The following PCDHGB3 variants were observed in gnomAD, a reference collection of about 807,000 sequenced individuals.
PCDHGB3 encodes protocadherin gamma-B3.
Under a neutral mutation model 59.2 loss-of-function variants are expected in PCDHGB3, and 40 were observed. The ratio of observed to expected loss-of-function variants is 0.68; its 90% confidence interval spans 0.52 to 0.88. The LOEUF (loss-of-function observed/expected upper bound fraction) is 0.88. PCDHGB3 is among the 40% of genes least tolerant of loss of function. The pLI, the probability that PCDHGB3 is intolerant of heterozygous loss-of-function variation, is 0.00. For missense variants in PCDHGB3, 1,309 were observed against 1,187.9 expected (o/e 1.10, Z -1.50); for synonymous variants, 581 against 503.6 (o/e 1.15, Z -2.06).
intron 1 of PCDHGB3, chr5:141,387,576 G>C (rs534073702): frequency 2.1e-6 from 1 of 487,618 alleles, no homozygotes; most frequent in Non-Finnish European, 3.6e-6. Context: ...TATAATTATT[G>C]CACTGGTTAA....
intron 1 of PCDHGB3, chr5:141,408,940 A>G: frequency 1.2e-6 from 2 of 1,613,658 alleles, no homozygotes; most frequent in Non-Finnish European, 1.7e-6. Context: ...GCAGAGACGA[A>G]TATAGAATTA....
intron 1 of PCDHGB3, chr5:141,405,493 C>T: frequency 1.2e-6 from 1 of 841,642 alleles, no homozygotes; most frequent in Middle Eastern, 3.1e-4. Flanking sequence ...GATCTCGGCT[C>T]ATTGCAACCT....
At chr5:141,414,677 AG>A in intron 1 of PCDHGB3, 1 of 1,613,794 alleles carries the variant, frequency 6.2e-7, no homozygotes, top group Non-Finnish European at 8.5e-7. Context: ...GACACCATCC[AG>A]GGGGTACCTC....
chr5:141,508,741 C>G (rs2099871426), intron 3 of PCDHGB3, among the ~76,000 whole-genome samples: 1 of 152,042 alleles, frequency 6.6e-6, no homozygotes, highest in Non-Finnish European at 1.5e-5. Context: ...ACCCCCCACC[C>G]CGCTCTTTCT....
rs2099612668 is a variant in PCDHGB3, at chr5:141,485,382, TGA to T, written c.2416-9424_2416-9423del. The T allele has an allele frequency of 6.2e-7, 1 of 1,613,538 alleles. No homozygotes were observed. The highest frequency in any genetic ancestry group is 8.5e-7 in the Non-Finnish European group (1 of 1,179,906). On this transcript the variant is annotated intron_variant, in intron 1 of 3. Coordinates refer to ENST00000576222, the MANE Select transcript of PCDHGB3 (RefSeq NM_018924.5). The surrounding 1 kb of genome is among the most constrained non-coding windows in gnomAD (Gnocchi z 5.7). ...CGCAGGCTGCAGGTCGCTGGAGAGG[TGA>T]ACCAAAGACACTTCCGTGTGGATTT...
intron 1 of PCDHGB3, chr5:141,478,831 G>C: frequency 7.0e-7 from 1 of 1,435,672 alleles, no homozygotes; most frequent in Non-Finnish European, 9.1e-7. Flanking sequence ...ATCTTGCTAA[G>C]GGATGGTTAA....
chr5:141,431,709 T>A lies in PCDHGB3; in HGVS notation c.2415+58900T>A. 6.2e-7 allele frequency: 1 copy of A among 1,614,168 alleles called. No individual in the cohort carries two copies. Among genetic ancestry groups the A allele is most frequent in the Non-Finnish European group, 8.5e-7 (1 of 1,180,018 alleles). ...CACGAGGAGTCAGGATTCTACCAGA[T>A]GGAAGTGCAAGCAATGGATAATGCA... On this transcript the variant is annotated intron_variant, in intron 1 of 3. Coordinates refer to ENST00000576222, the MANE Select transcript of PCDHGB3 (RefSeq NM_018924.5). This position sits in a 1 kb window ranked among gnomAD's most constrained non-coding sequence, Gnocchi z 4.8.
rs2149999954 is a variant in PCDHGB3, at chr5:141,372,139, C to A, written c.1745C>A (p.Ala582Glu). ...SALFDMVPRS[A>E]EPGYLVTKVV... ...CTCTTCGATATGGTGCCGCGCTCTG[C>A]AGAGCCTGGCTACCTGGTGACCAAG... The change falls in exon 1 of 4, where the codon GCA (alanine) becomes GAA (glutamate). Residue 582 changes from alanine (A) to glutamate (E), a missense_variant. Transcript: ENST00000576222. 6.2e-7 allele frequency: 1 copy of A among 1,613,756 alleles called. No homozygotes were observed. The highest frequency in any genetic ancestry group is 1.3e-5 in the African/African-American group (1 of 75,062).
In PCDHGB3 at chr5:141,489,522, C is replaced by T. The variant is rs371948070; in HGVS notation, c.2416-5285C>T. 2.5e-6 allele frequency: 4 copies of T among 1,614,088 alleles called. No individual in the cohort carries two copies. Among genetic ancestry groups the T allele is most frequent in the Non-Finnish European group, 3.4e-6 (4 of 1,180,036 alleles). On this transcript the variant is annotated intron_variant, in intron 1 of 3. Coordinates refer to ENST00000576222, the MANE Select transcript of PCDHGB3 (RefSeq NM_018924.5). The surrounding 1 kb of genome is among the most constrained non-coding windows in gnomAD (Gnocchi z 4.5). ...TGAATCAAAAGATTGACCGAGAAAG[C>T]CTATGTGGAGCCAGCACCAGCTGCC...
chr5:141,485,067 C>G lies in PCDHGB3; in HGVS notation c.2416-9740C>G, dbSNP rs944494894. On this transcript the variant is annotated intron_variant, in intron 1 of 3. Transcript: ENST00000576222. This position sits in a 1 kb window ranked among gnomAD's most constrained non-coding sequence, Gnocchi z 5.7. Reference sequence around the variant, plus strand: ...CGGCGCCGGCCGAACCGCGCCAGAGCTGGCGCGGGGAAAGGGAGATAGGTG... The same window carrying G: ...CGGCGCCGGCCGAACCGCGCCAGAGGTGGCGCGGGGAAAGGGAGATAGGTG... 21 of 894,418 alleles carry G rather than the reference C, an allele frequency of 2.3e-5. No individual in the cohort carries two copies. The highest frequency in any genetic ancestry group is 1.8e-4 in the Admixed American group (8 of 43,320). 55.4% of individuals were successfully genotyped at this position (894,418 alleles called of 1,614,324 possible). A position where few individuals can be genotyped will look rare whatever the true frequency, so the allele number is the denominator to read the frequency against.
intron 1 of PCDHGB3, chr5:141,421,331 C>T: frequency 1.2e-6 from 2 of 1,613,856 alleles, no homozygotes; most frequent in East Asian, 2.2e-5. Flanking sequence ...ATCCGATATT[C>T]GGTGCCAGAA....
intron 1 of PCDHGB3, among the ~76,000 whole-genome samples, chr5:141,448,451 C>T (rs1261733103): frequency 6.6e-6 from 1 of 152,032 alleles, no homozygotes; most frequent in Admixed American, 6.6e-5. Context: ...GACTTCCATC[C>T]CTATCCTACT....
intron 1 of PCDHGB3, chr5:141,421,377 C>T (rs1168242339): frequency 1.9e-6 from 3 of 1,613,924 alleles, no homozygotes; most frequent in South Asian, 1.1e-5. Context: ...GCAATATCTC[C>T]AAGGACCTGG....
intron 1 of PCDHGB3, chr5:141,402,889 G>A: frequency 1.3e-6 from 2 of 1,493,808 alleles, no homozygotes; most frequent in South Asian, 1.4e-5. Context: ...CAGGGTGGAA[G>A]AAAGAACCTG....
Position 141,486,142 on chromosome 5 carries a change from C to T in PCDHGB3, c.2416-8665C>T. 6.2e-7 allele frequency: 1 copy of T among 1,614,200 alleles called. No homozygotes were observed. The highest frequency in any genetic ancestry group is 1.3e-5 in the African/African-American group (1 of 75,052). ...ACTATGAATTTGATGTGCGGGCTCG[C>T]GATGGGGGTTCTCCAGCCATGGAGC... On this transcript the variant is annotated intron_variant, in intron 1 of 3. Coordinates refer to ENST00000576222, the MANE Select transcript of PCDHGB3 (RefSeq NM_018924.5). This position sits in a 1 kb window ranked among gnomAD's most constrained non-coding sequence, Gnocchi z 5.0.
At position 141,494,880 on chromosome 5, in the gene PCDHGB3, C is replaced by G. The variant is rs950094823; in HGVS notation, c.2474+15C>G. On this transcript the variant is annotated intron_variant, in intron 2 of 3. Transcript: ENST00000576222. ...GGCACCAGCGGGTAGGTGACTGATT[C>G]TCCAGCCCACCCTCTTCTCTGCGGC... The G allele has an allele frequency of 3.7e-6, 6 of 1,614,040 alleles. No individual in the cohort carries two copies. The African/African-American group carries it at 6.7e-5, about 18-fold the overall frequency.
In PCDHGB3 at chr5:141,487,574, C is replaced by T. The variant is rs753979217; in HGVS notation, c.2416-7233C>T. ...TGCACCTATGGCAGGGGAGCCTGTTCGCCCAAGCTGCCCACCCTCTGATCT... is the reference window on the plus strand; with the variant it reads ...TGCACCTATGGCAGGGGAGCCTGTTTGCCCAAGCTGCCCACCCTCTGATCT... On this transcript the variant is annotated intron_variant, in intron 1 of 3. Transcript: ENST00000576222. This position sits in a 1 kb window ranked among gnomAD's most constrained non-coding sequence, Gnocchi z 5.0. 1.2e-5 allele frequency: 20 copies of T among 1,614,040 alleles called. 1 individual carries two copies. The highest frequency in any genetic ancestry group is 8.9e-5 in the East Asian group (4 of 44,870).
At chr5:141,385,542 A>T (rs3763123) in intron 1 of PCDHGB3, 69,535 of 1,326,660 alleles carry the variant, frequency 0.052, 2,028 homozygotes, top group African/African-American at 0.1. Flanking sequence ...GAATATGTGG[A>T]CTATCACATT....
At chr5:141,450,790 A>G (rs2098694056) in intron 1 of PCDHGB3, among the ~76,000 whole-genome samples, 1 of 148,832 alleles carries the variant, frequency 6.7e-6, no homozygotes, top group Admixed American at 6.7e-5. Context: ...CCCGGACCTC[A>G]TGATTGTATT....
Sources: gnomAD v4.1 joint callset for allele counts (sites outside exome capture counted in the v4.1 genomes callset) on GRCh38, gnomAD v4.1.1 for gene constraint, Gnocchi (gnomAD v3.1) non-coding constraint, MANE v1.5 for transcripts, NCBI Gene and HGNC (gene_info 2026-07-23, HGNC 2026-07-21) for gene names.